CS: variants seen among roughly 807,000 people sequenced by gnomAD.
The protein encoded by CS is citrate synthase.
CS carries 13 observed loss-of-function variants against 61.4 expected under a neutral mutation model. That is an observed-to-expected ratio of 0.21 (90% CI 0.14 to 0.34). The LOEUF is 0.34. CS is among the 10% of genes least tolerant of loss of function. The pLI, the probability that CS is intolerant of heterozygous loss-of-function variation, is 1.00. For synonymous variants in CS, 159 were observed against 215.2 expected (o/e 0.74, Z 2.29); for missense variants, 278 against 573.4 (o/e 0.48, Z 5.26).
intron 1 of CS, among the ~76,000 whole-genome samples, chr12:56,292,473 T>G (rs545333336): frequency 1.7e-4 from 26 of 151,672 alleles, no homozygotes; most frequent in African/African-American, 6.3e-4. Context: ...CAATGGAAAC[T>G]GGAACTGGAC....
rs1374816674 is a variant in CS at position 56,272,133 on chromosome 12, G to A, written c.*951C>T. The A allele has an allele frequency of 3.3e-6, 1 of 303,508 alleles. No homozygotes were observed. The highest frequency in any genetic ancestry group is 6.5e-6 in the Non-Finnish European group (1 of 153,836). The allele number at this position is 303,508 out of a possible 1,614,324, so 18.8% of individuals were successfully genotyped here. On this transcript the variant is annotated 3_prime_UTR_variant, in exon 11 of 11. Transcript: ENST00000351328. ...GAATCAATTCCCTGTTCAAAAAGAG[G>A]TGCTAATACCCCGGGGACAAGACTC...
intron 1 of CS, among the ~76,000 whole-genome samples, chr12:56,299,350 G>A (rs1177703667): frequency 1.3e-5 from 2 of 152,184 alleles, no homozygotes; most frequent in Admixed American, 6.5e-5. Context: ...CCCAAAGAAG[G>A]AGAGAAAGTT....
intron 6 of CS, among the ~76,000 whole-genome samples, 179 bp from the exon 7 acceptor site, chr12:56,276,374 C>T (rs968441525): frequency 6.6e-6 from 1 of 152,142 alleles, no homozygotes; most frequent in Non-Finnish European, 1.5e-5. Context: ...AACCATTTCA[C>T]TGAATAACTA....
intron 6 of CS, 25 bp downstream of exon 6, chr12:56,282,395 C>T (rs766111390): frequency 3.6e-5 from 56 of 1,547,096 alleles, no homozygotes; most frequent in Admixed American, 7.7e-5. Flanking sequence ...CATCACACAC[C>T]GATCACCCCA....
At chr12:56,298,658 C>A (rs758058364) in intron 1 of CS, 4 of 985,438 alleles carry the variant, frequency 4.1e-6, no homozygotes, top group Non-Finnish European at 4.8e-6. Flanking sequence ...ACAAGCATCT[C>A]CCAAATGCTC....
intron 1 of CS, among the ~76,000 whole-genome samples, chr12:56,293,246 T>C (rs1008121018): frequency 3.3e-5 from 5 of 152,206 alleles, no homozygotes; most frequent in Admixed American, 1.3e-4. Context: ...TGATTCTCCA[T>C]CCTAGGTACA....
At chr12:56,293,323 T>C (rs562137676) in intron 1 of CS, among the ~76,000 whole-genome samples, 1 of 152,050 alleles carries the variant, frequency 6.6e-6, no homozygotes, top group Non-Finnish European at 1.5e-5. Context: ...TAACCAACAT[T>C]AAAACCTTGG....
intron 1 of CS, among the ~76,000 whole-genome samples, chr12:56,286,852 A>G (rs2306694): frequency 0.046 from 6,947 of 152,256 alleles, 225 homozygotes; most frequent in Non-Finnish European, 0.068. Context: ...TTTTTCATCC[A>G]TAGCTTCACT....
At chr12:56,300,124 C>A (rs756737538) in intron 1 of CS, 36 bp downstream of exon 1, 9 of 1,549,942 alleles carry the variant, frequency 5.8e-6, no homozygotes, top group Non-Finnish European at 7.0e-6. Flanking sequence ...CTCAGCCCCA[C>A]CCTGGGACGG....
intron 6 of CS, among the ~76,000 whole-genome samples, chr12:56,280,202 T>G (rs1872734304): frequency 6.6e-6 from 1 of 151,724 alleles, no homozygotes; most frequent in Non-Finnish European, 1.5e-5. Flanking sequence ...GATCACGAGG[T>G]CAGAGGTTCG....
At chr12:56,295,376 C>G (rs1018920237) in intron 1 of CS, among the ~76,000 whole-genome samples, 2 of 150,802 alleles carry the variant, frequency 1.3e-5, no homozygotes, top group African/African-American at 4.9e-5. Flanking sequence ...CAAAAATTAG[C>G]CCGGCGTGGT....
intron 6 of CS, among the ~76,000 whole-genome samples, chr12:56,278,280 G>A (rs561150626): frequency 2.0e-5 from 3 of 152,176 alleles, no homozygotes; most frequent in Admixed American, 6.5e-5. Flanking sequence ...ACAGGCGTGC[G>A]CCACCATGCC....
rs144603837 is a variant in CS at position 56,274,954 on chromosome 12, A to T, written c.918+48T>A. The T allele has an allele frequency of 1.1e-4, 180 of 1,611,208 alleles. No homozygotes were observed. In the African/African-American group the frequency reaches 1.7e-3, roughly 16 times the overall value. ...AGAATGCCAAGATCAGAAACAAAGCATGGGGTAAGGAAAACATGTAGCAGG... is the reference window on the plus strand; with the variant it reads ...AGAATGCCAAGATCAGAAACAAAGCTTGGGGTAAGGAAAACATGTAGCAGG... On this transcript the variant is annotated intron_variant, in intron 8 of 10. Coordinates refer to ENST00000351328, the MANE Select transcript of CS (RefSeq NM_004077.3).
chr12:56,280,468 G>A (rs548239395), intron 6 of CS, among the ~76,000 whole-genome samples: 16 of 147,830 alleles, frequency 1.1e-4, no homozygotes, highest in Admixed American at 2.1e-4. Context: ...GGTGGTGTGC[G>A]CCTGTAATGC....
intron 1 of CS, among the ~76,000 whole-genome samples, chr12:56,299,364 G>A (rs953624983): frequency 3.3e-5 from 5 of 152,192 alleles, no homozygotes; most frequent in Non-Finnish European, 7.3e-5. Context: ...GAAAGTTCCT[G>A]GATAAAGTAG....
In CS at chr12:56,286,665, A is replaced by G. The variant is rs1277174485; in HGVS notation, c.43-20T>C. ...TGCATTCTGCAAAGCAAAAAAGAGA[A>G]CCTTATGTAACTGTTACCCCTCCCT... On this transcript the variant is annotated intron_variant, in intron 1 of 10. Coordinates refer to ENST00000351328, the MANE Select transcript of CS (RefSeq NM_004077.3). 1.9e-6 allele frequency: 3 copies of G among 1,609,866 alleles called. No homozygotes were observed. The highest frequency in any genetic ancestry group is 1.3e-5 in the African/African-American group (1 of 74,812).
chr12:56,289,032 T>C (rs11171791), intron 1 of CS, among the ~76,000 whole-genome samples: 6,955 of 152,248 alleles, frequency 0.046, 195 homozygotes, highest in Middle Eastern at 0.078. Context: ...AGTATGTTCC[T>C]AAAGCAAACG....
At position 56,276,366 on chromosome 12, in the gene CS, C is replaced by A. The variant is rs543896301; in HGVS notation, c.589-171G>T. Among the ~76,000 whole-genome samples, 9 of 152,256 alleles carry A rather than the reference C, an allele frequency of 5.9e-5. 1 individual carries two copies. The highest frequency in any genetic ancestry group is 8.8e-5 in the Non-Finnish European group (6 of 68,018). On this transcript the variant is annotated intron_variant, in intron 6 of 10. Coordinates refer to ENST00000351328, the MANE Select transcript of CS (RefSeq NM_004077.3). ...TGAAAGTAGAGAATAACAATCATAA[C>A]CATTTCACTGAATAACTATTATGAC...
chr12:56,274,351 G>A (rs1872580171), intron 9 of CS: 1 of 163,992 alleles, frequency 6.1e-6, no homozygotes, highest in Admixed American at 5.9e-5. Context: ...GATAGGGTCT[G>A]TGTTGCTCAG....
Sources: gnomAD v4.1 joint callset for allele counts (sites outside exome capture counted in the v4.1 genomes callset) on GRCh38, gnomAD v4.1.1 for gene constraint, MANE v1.5 for transcripts, NCBI Gene and HGNC (gene_info 2026-07-23, HGNC 2026-07-21) for gene names.